The following SGK1 variants were observed in gnomAD, a reference collection of about 807,000 sequenced individuals.
The protein encoded by SGK1 is serum/glucocorticoid regulated kinase 1.
SGK1 carries 26 observed loss-of-function variants against 64.2 expected under a neutral mutation model. The observed-to-expected ratio is 0.40, with a 90% CI of 0.30 to 0.56. The LOEUF (loss-of-function observed/expected upper bound fraction) is 0.56, where lower values mean the gene tolerates loss of function less well. Ranked by LOEUF, SGK1 falls within the 20% of genes least tolerant of loss-of-function variation. The probability of loss-of-function intolerance (pLI) is 0.38; values close to 1 mark genes in which losing one functional copy is unlikely to be tolerated. For synonymous variants in SGK1, 265 were observed against 239.7 expected, an observed-to-expected ratio of 1.11 and a Z score of -0.98; for missense variants, 519 against 645.6, an observed-to-expected ratio of 0.80 and a Z score of 2.12.
intron 3 of SGK1, among the ~76,000 whole-genome samples, chr6:134,191,987 T>C (rs1248027573): frequency 6.6e-6 from 1 of 151,476 alleles, no homozygotes; most frequent in Non-Finnish European, 1.5e-5. Context: ...CCCGCCACCA[T>C]GCCCAGCTAA....
intron 3 of SGK1, chr6:134,175,945 G>T: frequency 9.2e-7 from 1 of 1,092,510 alleles, no homozygotes; most frequent in Non-Finnish European, 1.1e-6. Flanking sequence ...AGGGGAGGGG[G>T]CGGAAATAAA....
intron 2 of SGK1, among the ~76,000 whole-genome samples, chr6:134,231,265 A>G (rs888211895): frequency 7.9e-5 from 12 of 152,258 alleles, no homozygotes; most frequent in African/African-American, 2.9e-4. Context: ...CAATGATCCA[A>G]GCTACTCATT....
At chr6:134,171,877 G>A (rs2114631522) in intron 10 of SGK1, 145 bp from the exon 11 acceptor site, 2 of 644,452 alleles carry the variant, frequency 3.1e-6, no homozygotes. Context: ...AAAACTGCTG[G>A]ACTTTTTGAG....
intron 1 of SGK1, chr6:134,297,353 C>A: frequency 1.0e-6 from 1 of 999,382 alleles, no homozygotes; most frequent in Non-Finnish European, 1.6e-6. Flanking sequence ...GCAGGGCGGC[C>A]TCCAGCTCAG....
At chr6:134,292,109 C>G (rs1418489933) in intron 1 of SGK1, among the ~76,000 whole-genome samples, 1 of 150,928 alleles carries the variant, frequency 6.6e-6, no homozygotes, top group South Asian at 2.1e-4. Flanking sequence ...TTTTTTGACA[C>G]ATATTATGGC....
At chr6:134,292,705 C>T (rs1206153992) in intron 1 of SGK1, among the ~76,000 whole-genome samples, 1 of 152,058 alleles carries the variant, frequency 6.6e-6, no homozygotes, top group African/African-American at 2.4e-5. Context: ...TGAAAAGGAT[C>T]CAAAATGCAT....
chr6:134,198,215 G>A (rs1775626345), intron 3 of SGK1, among the ~76,000 whole-genome samples: 1 of 152,126 alleles, frequency 6.6e-6, no homozygotes, highest in African/African-American at 2.4e-5. Flanking sequence ...CTACCGCTTT[G>A]TAGTTATGAC....
In SGK1 at chr6:134,261,693, G is replaced by C; in HGVS notation, c.285+240C>G. ...ACGTGCATGGGGACAAGCGTATATG[G>C]GTAATCTCTGTACCTTCTGCTCAAT... On this transcript the variant is annotated intron_variant, in intron 2 of 13. Transcript: ENST00000367858. 2.6e-5 allele frequency: 16 copies of C among 605,046 alleles called. No individual in the cohort carries two copies. In the South Asian group the frequency reaches 3.3e-4, roughly 12 times the overall value. 37.5% of individuals were successfully genotyped at this position (605,046 alleles called of 1,614,324 possible).
At chr6:134,245,203 G>A (rs796793341) in intron 2 of SGK1, among the ~76,000 whole-genome samples, 10 of 152,278 alleles carry the variant, frequency 6.6e-5, no homozygotes, top group African/African-American at 2.4e-4. Flanking sequence ...TCAGAATATC[G>A]TGGACTAAAG....
At chr6:134,248,254 T>C (rs1002736505) in intron 2 of SGK1, among the ~76,000 whole-genome samples, 1 of 152,058 alleles carries the variant, frequency 6.6e-6, no homozygotes, top group Admixed American at 6.6e-5. Flanking sequence ...TGAAAATCTG[T>C]TCTATTAGTA....
At chr6:134,189,027 G>A in intron 3 of SGK1, among the ~76,000 whole-genome samples, 1 of 150,600 alleles carries the variant, frequency 6.6e-6, no homozygotes, top group Non-Finnish European at 1.5e-5. Context: ...ATACAGGTGT[G>A]AGCCACTCAC....
At chr6:134,284,641 C>T (rs1777154136) in intron 1 of SGK1, among the ~76,000 whole-genome samples, 1 of 152,056 alleles carries the variant, frequency 6.6e-6, no homozygotes, top group Admixed American at 6.6e-5. Flanking sequence ...CACACCACTA[C>T]ACCTAGTTAA....
chr6:134,314,352 G>A (rs187121974), intron 1 of SGK1, among the ~76,000 whole-genome samples: 2 of 151,608 alleles, frequency 1.3e-5, no homozygotes, highest in East Asian at 3.9e-4. Context: ...GGTTGGGGGA[G>A]GGGGGTAGGG....
chr6:134,174,775 G>T lies in SGK1; in HGVS notation c.362-189C>A, dbSNP rs565497611. ...TGCCCCTCATCCTGGAGTAAGTGAG[G>T]GTGCCCTTAGCAGCCTCAGTTTTCA... On this transcript the variant is annotated intron_variant, in intron 3 of 13. Transcript: ENST00000367858. 2.5e-6 allele frequency: 4 copies of T among 1,614,190 alleles called. No homozygotes were observed. In the South Asian group the frequency reaches 3.3e-5, roughly 13 times the overall value.
At chr6:134,275,134 T>C (rs1188146024) in intron 1 of SGK1, among the ~76,000 whole-genome samples, 2 of 151,820 alleles carry the variant, frequency 1.3e-5, no homozygotes, top group Non-Finnish European at 2.9e-5. Context: ...ATAAAAATAA[T>C]CTGTGGCTGG....
At chr6:134,195,826 C>T (rs1483743175) in intron 3 of SGK1, among the ~76,000 whole-genome samples, 1 of 152,106 alleles carries the variant, frequency 6.6e-6, no homozygotes, top group Admixed American at 6.5e-5. Context: ...TGGAATACAG[C>T]AAATTATAAG....
At chr6:134,204,322 G>C (rs1304632763) in intron 3 of SGK1, among the ~76,000 whole-genome samples, 7 of 151,402 alleles carry the variant, frequency 4.6e-5, no homozygotes, top group Non-Finnish European at 2.9e-5. Context: ...GACTGGGAAG[G>C]ATCTTCATGA....
chr6:134,289,992 A>C (rs1206848867), intron 1 of SGK1, among the ~76,000 whole-genome samples: 1 of 152,050 alleles, frequency 6.6e-6, no homozygotes, highest in South Asian at 2.1e-4. Context: ...CTACTAAAAA[A>C]ATACAAAAAT....
chr6:134,262,069 A>G lies in SGK1; in HGVS notation c.149T>C (p.Met50Thr), dbSNP rs768922865. Residue 50 changes from methionine (M) to threonine (T), a missense_variant, in exon 2 of 14, where the codon ATG (methionine) becomes ACG (threonine). Around this residue, in one of 2 missense-constraint regions of SGK1, gnomAD observed 241 missense variants for 236.9 expected, o/e 1.02. Coordinates refer to ENST00000367858, the MANE Select transcript of SGK1 (RefSeq NM_001143676.3). The part of the protein sequence containing the change: ...SPSLKYTGSS[M>T]VHIPPGEPDF... ...TGGCTCCCCTGGAGGGATGTGCACC[A>G]TGGAGGAGCCGGTGTACTTCAGGCT... 7.4e-6 allele frequency: 12 copies of G among 1,613,592 alleles called. No homozygotes were observed. The highest frequency in any genetic ancestry group is 8.5e-7 in the Non-Finnish European group (1 of 1,179,620).
Sources: gnomAD v4.1 joint callset for allele counts (sites outside exome capture counted in the v4.1 genomes callset) on GRCh38, gnomAD v4.1.1 for gene constraint, gnomAD v4.1.1 regional missense constraint, MANE v1.5 for transcripts, NCBI Gene and HGNC (gene_info 2026-07-23, HGNC 2026-07-21) for gene names.